Variants in SACS observed in about 807,000 individuals in gnomAD.
SACS encodes the protein sacsin molecular chaperone.
SACS carries 197 observed loss-of-function variants against 348.0 expected under a neutral mutation model. The ratio of observed to expected loss-of-function variants is 0.57; its 90% CI spans 0.50 to 0.64. The LOEUF is 0.64. Among genes scored for constraint, SACS ranks in the 30% least tolerant of loss-of-function variants. The pLI, the probability that SACS is intolerant of heterozygous loss-of-function variation, is 0.00. For synonymous variants in SACS, 1,985 were observed against 1,910.6 expected (o/e 1.04, Z -1.02); for missense variants, 4,999 against 5,360.8 (o/e 0.93, Z 2.11).
At chr13:23,413,932 CCA>C (rs1873600748) in intron 1 of SACS, among the ~76,000 whole-genome samples, 1 of 152,046 alleles carries the variant, frequency 6.6e-6, no homozygotes, top group African/African-American at 2.4e-5. Flanking sequence ...AAATTGGACT[CCA>C]GTTTGAAATG....
rs1883323188 is a variant in SACS, at chr13:23,329,342, T to G, written c.*794A>C. 4.5e-6 allele frequency: 3 copies of G among 670,942 alleles called. No homozygotes were observed. The highest frequency in any genetic ancestry group is 2.8e-5 in the Admixed American group (1 of 35,712). 41.6% of individuals were successfully genotyped at this position (670,942 alleles called of 1,614,324 possible). A position where few individuals can be genotyped will look rare whatever the true frequency, so the allele number is the denominator to read the frequency against. ...TAAATTATAACATTTGTGGAAAATA[T>G]GTACACACAAACATAAAGCAAGTGT... On this transcript the variant is annotated 3_prime_UTR_variant, in exon 10 of 10. Transcript: ENST00000382292.
intron 2 of SACS, among the ~76,000 whole-genome samples, chr13:23,388,487 G>GTGTA (rs1872395796): frequency 7.1e-6 from 1 of 140,186 alleles, no homozygotes; most frequent in African/African-American, 2.6e-5. Context: ...TGGTGTGTGT[G>GTGTA]TATATATATA....
chr13:23,406,869 G>A (rs1417375084), intron 2 of SACS, among the ~76,000 whole-genome samples: 2 of 152,160 alleles, frequency 1.3e-5, no homozygotes, highest in Non-Finnish European at 2.9e-5. Flanking sequence ...TCATTGTAGA[G>A]AGATATTTTA....
In SACS at chr13:23,355,765, T is replaced by C; in HGVS notation, c.847A>G (p.Ser283Gly). Reference sequence around the variant, plus strand: ...TTCTGCTTATTGTAGAGGTTACTACTAAGTTGTGAAGGTTGTAGGCGAAGA... The same window carrying C: ...TTCTGCTTATTGTAGAGGTTACTACCAAGTTGTGAAGGTTGTAGGCGAAGA... ...FPLRLQPSQL[S>G]SNLYNKQKVL... Residue 283 changes from serine to glycine, a missense_variant, in exon 8 of 10, where the codon AGT becomes GGT. Ser to Gly is a moderately conservative substitution (Grantham distance 56). This residue lies in a region of SACS where 3,156 missense variants were observed against 3,380.1 expected (regional missense o/e 0.93). Coordinates refer to ENST00000382292, the MANE Select transcript of SACS (RefSeq NM_014363.6). 4 of 1,614,216 alleles carry C rather than the reference T, an allele frequency of 2.5e-6. No individual in the cohort carries two copies. Among genetic ancestry groups the C allele is most frequent in the Non-Finnish European group, 2.5e-6 (3 of 1,180,046 alleles).
chr13:23,400,091 C>T (rs916547341), intron 2 of SACS, among the ~76,000 whole-genome samples: 2 of 150,380 alleles, frequency 1.3e-5, no homozygotes, highest in African/African-American at 2.4e-5. Context: ...ACAATTATCT[C>T]CTGGATCTGG....
At position 23,355,765 on chromosome 13, in the gene SACS, T is replaced by G. The variant is rs1237449092; in HGVS notation, c.847A>C (p.Ser283Arg). Residue 283 changes from serine to arginine, a missense_variant, in exon 8 of 10, where the codon AGT becomes CGT. Around this residue, in one of 6 missense-constraint regions of SACS, gnomAD observed 3,156 missense variants for 3,380.1 expected, o/e 0.93. Coordinates refer to ENST00000382292, the MANE Select transcript of SACS (RefSeq NM_014363.6). ...TTCTGCTTATTGTAGAGGTTACTAC[T>G]AAGTTGTGAAGGTTGTAGGCGAAGA... ...FPLRLQPSQL[S>R]SNLYNKQKVL... The G allele has an allele frequency of 1.2e-6, 2 of 1,614,216 alleles. No individual in the cohort carries two copies. The highest frequency in any genetic ancestry group is 4.5e-5 in the East Asian group (2 of 44,880).
intron 1 of SACS, chr13:23,428,872 C>A (rs1874303278): frequency 1.3e-5 from 2 of 152,128 alleles, no homozygotes; most frequent in Admixed American, 1.3e-4. Flanking sequence ...ATAATTTAGT[C>A]TCTTTAGCCA....
chr13:23,407,724 C>T (rs992786670), intron 2 of SACS, among the ~76,000 whole-genome samples: 1 of 152,172 alleles, frequency 6.6e-6, no homozygotes, highest in African/African-American at 2.4e-5. Flanking sequence ...GACAGGCTCC[C>T]CCACGCCCTC....
chr13:23,337,210 T>C lies in SACS; in HGVS notation c.6666A>G (p.Pro2222=). The change falls in exon 10 of 10, where the codon CCA becomes CCG. Residue 2222 remains proline, a synonymous_variant. Coordinates refer to ENST00000382292, the MANE Select transcript of SACS (RefSeq NM_014363.6). ...CTTTCCAGTCCAAAGAAAAACCTGC[T>C]GGTTTTGTCAGAAATGGAAGGAAGC... is the stretch of plus-strand genomic sequence containing the variant. ...TIRFLPFLTK[P]AGFSLDWKGN... is the part of the protein sequence containing the mutation. The C allele has an allele frequency of 1.2e-6, 2 of 1,614,016 alleles. No individual in the cohort carries two copies. The highest frequency in any genetic ancestry group is 1.6e-4 in the Middle Eastern group (1 of 6,062).
At chr13:23,419,387 A>G (rs897089960) in intron 1 of SACS, 2 of 152,382 alleles carry the variant, frequency 1.3e-5, no homozygotes, top group Non-Finnish European at 2.9e-5. Flanking sequence ...GGTGGGTAGG[A>G]CGTGTTAAGG....
chr13:23,355,725 A>C lies in SACS; in HGVS notation c.887T>G (p.Phe296Cys), dbSNP rs773108798. 11 of 1,614,082 alleles carry C rather than the reference A, an allele frequency of 6.8e-6. No homozygotes were observed. Among genetic ancestry groups the C allele is most frequent in the Non-Finnish European group, 4.2e-6 (5 of 1,180,052 alleles). ...LYNKQKVLELFESFRADADTV... is the reference protein window; with the variant it reads ...LYNKQKVLELCESFRADADTV... ...GTCTGCATCTGCCCTAAAAGACTCA[A>C]ACAACTCAAGAACCTTCTGCTTATT... is the stretch of plus-strand genomic sequence containing the variant. The change falls in exon 8 of 10, where the codon TTT becomes TGT. Residue 296 changes from phenylalanine to cysteine, a missense_variant. Around this residue, in one of 6 missense-constraint regions of SACS, gnomAD observed 3,156 missense variants for 3,380.1 expected, o/e 0.93. Coordinates refer to ENST00000382292, the MANE Select transcript of SACS (RefSeq NM_014363.6).
In SACS at chr13:23,371,663, A is replaced by T. The variant is rs374503764; in HGVS notation, c.172-498T>A. Among the ~76,000 whole-genome samples, 23 of 152,372 alleles carry T rather than the reference A, an allele frequency of 1.5e-4. No homozygotes were observed. The East Asian group carries it at 4.0e-3, about 27-fold the overall frequency. On this transcript the variant is annotated intron_variant, in intron 3 of 9. Transcript: ENST00000382292. The stretch of plus-strand genomic sequence containing the variant: ...TTAAAAACAACTGAATGTAAACAGC[A>T]TATTGTTTAGGTTACGTATTCAGGC...
intron 9 of SACS, among the ~76,000 whole-genome samples, chr13:23,349,247 C>T (rs1012500642): frequency 3.0e-4 from 45 of 152,104 alleles, no homozygotes; most frequent in African/African-American, 1.0e-3. Flanking sequence ...GGGACTGGCA[C>T]AGAAAATTTA....
chr13:23,337,712 T>G lies in SACS; in HGVS notation c.6164A>C (p.Gln2055Pro). The change falls in exon 10 of 10, where the codon CAG (glutamine) becomes CCG (proline). Residue 2055 changes from glutamine to proline, a missense_variant. Gln to Pro is a moderately conservative substitution (Grantham distance 76). Coordinates refer to ENST00000382292, the MANE Select transcript of SACS (RefSeq NM_014363.6). ...ILLENTFSEK[Q>P]FFSEVFFPNI... ...TGGAAAAAACACTTCAGAAAAAAACTGTTTCTCTGAAAATGTGTTTTCAAG... is the reference window on the plus strand; with the variant it reads ...TGGAAAAAACACTTCAGAAAAAAACGGTTTCTCTGAAAATGTGTTTTCAAG... 1 of 1,613,102 alleles carries G rather than the reference T, an allele frequency of 6.2e-7. No individual in the cohort carries two copies. The highest frequency in any genetic ancestry group is 2.2e-5 in the East Asian group (1 of 44,868).
At position 23,333,152 on chromosome 13, in the gene SACS, T is replaced by C. The variant is rs370579192; in HGVS notation, c.10724A>G (p.His3575Arg). The change falls in exon 10 of 10, where the codon CAT becomes CGT. Residue 3575 changes from histidine to arginine, a missense_variant. By Grantham distance (29) the His-to-Arg change is conservative (BLOSUM62 0). Transcript: ENST00000382292. Reference protein sequence around the residue: ...KLEQLIKPKNHVTFMTSWVEF... With the variant: ...KLEQLIKPKNRVTFMTSWVEF... ...CACCCAGGATGTCATAAATGTAACA[T>C]GATTTTTGGGTTTTATAAGTTGTTC... is the stretch of plus-strand genomic sequence containing the variant. 7.4e-6 allele frequency: 12 copies of C among 1,612,078 alleles called. No individual in the cohort carries two copies. Among genetic ancestry groups the C allele is most frequent in the South Asian group, 1.1e-5 (1 of 90,580 alleles).
At chr13:23,351,790 C>T (rs1185382427) in intron 9 of SACS, among the ~76,000 whole-genome samples, 1 of 152,020 alleles carries the variant, frequency 6.6e-6, no homozygotes, top group African/African-American at 2.4e-5. Context: ...CTAACCCACA[C>T]ATGATGTGTG....
chr13:23,396,225 G>A lies in SACS; in HGVS notation c.20+14995C>T, dbSNP rs59955331. ...TGTAACCCCAGCTACTTGGGAGGCCGAGGCAGGAGAATTGCTTGAACCCAG... is the reference window on the plus strand; with the variant it reads ...TGTAACCCCAGCTACTTGGGAGGCCAAGGCAGGAGAATTGCTTGAACCCAG... On this transcript the variant is annotated intron_variant, in intron 2 of 9. Transcript: ENST00000382292. Among the ~76,000 whole-genome samples the A allele has an allele frequency of 6.2e-3, 943 of 151,876 alleles. 10 individuals carry two copies. Among genetic ancestry groups the A allele is most frequent in the African/African-American group, 0.021 (889 of 41,372 alleles).
chr13:23,365,028 A>G, intron 6 of SACS, 138 bp downstream of exon 6: 1 of 602,024 alleles, frequency 1.7e-6, no homozygotes, highest in South Asian at 2.5e-5. Context: ...AAAAGCAGAG[A>G]AAAACATCTG....
intron 1 of SACS, among the ~76,000 whole-genome samples, chr13:23,432,060 G>A (rs1309191065): frequency 6.6e-6 from 1 of 152,212 alleles, no homozygotes; most frequent in East Asian, 1.9e-4. Flanking sequence ...CTCTGACACA[G>A]GAGGGAACTG....
Sources: allele counts gnomAD v4.1 joint callset (sites outside exome capture counted in the v4.1 genomes callset), GRCh38; gene constraint gnomAD v4.1.1; regional missense constraint gnomAD v4.1.1; transcripts MANE v1.5; gene names NCBI Gene and HGNC (gene_info 2026-07-23, HGNC 2026-07-21).